Variants in WRAP73 observed in about 807,000 individuals in gnomAD.
The protein encoded by WRAP73 is WD repeat-containing protein WRAP73.
WRAP73 carries 55 observed loss-of-function variants against 59.6 expected under a neutral mutation model. The ratio of observed to expected loss-of-function variants is 0.92; its 90% confidence interval spans 0.74 to 1.15. WRAP73 has a LOEUF of 1.15. Ranked by LOEUF, WRAP73 falls within the 50% of genes most tolerant of loss-of-function variation. WRAP73 has a pLI of 0.00. For missense variants in WRAP73, 592 were observed against 608.1 expected (o/e 0.97, Z 0.28); for synonymous variants, 265 against 258.2 (o/e 1.03, Z -0.25).
At chr1:3,631,815 A>AG in intron 10 of WRAP73, 158 bp from the exon 11 acceptor site, 1 of 1,424,304 alleles carries the variant, frequency 7.0e-7, no homozygotes, top group Non-Finnish European at 9.1e-7. Flanking sequence ...TGGGCCCTGT[A>AG]GGGCTCCTGG....
At chr1:3,642,996 G>A (rs61489571) in intron 3 of WRAP73, among the ~76,000 whole-genome samples, 9,868 of 152,204 alleles carry the variant, frequency 0.065, 1,004 homozygotes, top group African/African-American at 0.22. Context: ...AAACCCCTCC[G>A]TCTGCTACGG....
At chr1:3,631,315 G>A in intron 11 of WRAP73, 151 bp downstream of exon 11, 1 of 1,298,860 alleles carries the variant, frequency 7.7e-7, no homozygotes, top group Non-Finnish European at 1.1e-6. Context: ...GGTCCCCTGT[G>A]TGTCCGTCTT....
rs1441436934 is a variant in WRAP73 at position 3,646,593 on chromosome 1, G to A, written c.339+73C>T. 33 of 1,286,256 alleles carry A rather than the reference G, an allele frequency of 2.6e-5. No homozygotes were observed. Among genetic ancestry groups the A allele is most frequent in the Non-Finnish European group, 3.0e-5 (28 of 920,262 alleles). The allele number at this position is 1,286,256 out of a possible 1,614,324, so 79.7% of individuals were successfully genotyped here. On this transcript the variant is annotated intron_variant, in intron 3 of 11. Transcript: ENST00000270708. The surrounding 1 kb of genome is among the most constrained non-coding windows in gnomAD (Gnocchi z 5.1). ...GCATACTCCAAACACACCCCCTCTC[G>A]CACTCCCCAGCTGTTTCGAGAGCAG... is the stretch of plus-strand genomic sequence containing the variant.
chr1:3,646,841 G>A lies in WRAP73; in HGVS notation c.223-59C>T, dbSNP rs954443805. ...AAACTCATCAGCACCGAGAGACAGCGAGGACAGCTCGCTTAAACGCAGCGG... is the reference window on the plus strand; with the variant it reads ...AAACTCATCAGCACCGAGAGACAGCAAGGACAGCTCGCTTAAACGCAGCGG... On this transcript the variant is annotated intron_variant, in intron 2 of 11. Transcript: ENST00000270708. This position sits in a 1 kb window ranked among gnomAD's most constrained non-coding sequence, Gnocchi z 5.1. 3.2e-5 allele frequency: 48 copies of A among 1,481,610 alleles called. No individual in the cohort carries two copies. Among genetic ancestry groups the A allele is most frequent in the African/African-American group, 1.3e-4 (9 of 71,106 alleles). The allele number at this position is 1,481,610 out of a possible 1,614,324, so 91.8% of individuals were successfully genotyped here.
intron 7 of WRAP73, 36 bp from the exon 8 acceptor site, chr1:3,635,110 C>A (rs1390752113): frequency 1.2e-6 from 2 of 1,614,152 alleles, no homozygotes; most frequent in Admixed American, 1.7e-5. Context: ...GAGGCAGGGC[C>A]CGGCCCGCTG....
At chr1:3,643,617 TG>T (rs1374077048) in intron 3 of WRAP73, among the ~76,000 whole-genome samples, 7 of 145,138 alleles carry the variant, frequency 4.8e-5, no homozygotes, top group African/African-American at 1.8e-4. Flanking sequence ...GCGGCCCCGC[TG>T]AGCCCCGGAC....
At chr1:3,647,615 C>T (rs1644704510) in intron 1 of WRAP73, 55 bp from the exon 2 acceptor site, 2 of 1,581,780 alleles carry the variant, frequency 1.3e-6, no homozygotes, top group Non-Finnish European at 1.7e-6. Flanking sequence ...AAGAGGGGGG[C>T]CTTCGGAATG....
intron 1 of WRAP73, among the ~76,000 whole-genome samples, chr1:3,648,004 C>T (rs188103269): frequency 3.3e-4 from 50 of 152,266 alleles, no homozygotes; most frequent in Admixed American, 9.8e-4. Flanking sequence ...CAGATGACAA[C>T]GAAAATGGCA....
intron 9 of WRAP73, chr1:3,633,053 G>A: frequency 3.3e-6 from 1 of 300,764 alleles, no homozygotes; most frequent in South Asian, 3.0e-5. Flanking sequence ...GCGCTCGGGA[G>A]CACCGCCGGG....
chr1:3,643,421 A>G (rs1644664817), intron 3 of WRAP73, among the ~76,000 whole-genome samples: 1 of 152,232 alleles, frequency 6.6e-6, no homozygotes, highest in Admixed American at 6.5e-5. Flanking sequence ...CCTAGGGGTG[A>G]GCCGCTTTTG....
rs777585338 is a variant in WRAP73 at position 3,631,002 on chromosome 1, G to C, written c.1356C>G (p.Ala452=). The C allele has an allele frequency of 3.7e-6, 6 of 1,612,928 alleles. No individual in the cohort carries two copies. In the South Asian group the frequency reaches 6.6e-5, roughly 18 times the overall value. Residue 452 remains alanine, a synonymous_variant, in exon 12 of 12, where the codon GCC becomes GCG. Transcript: ENST00000270708. ...FLETEAVVGT[A]CRQLGGHT is the part of the protein sequence containing the mutation. ...ACGTGTGGCCGCCCAGCTGTCTGCA[G>C]GCTGTGCCGACCACTGCCTCTGTCT...
chr1:3,642,666 G>A (rs1461854305), intron 3 of WRAP73, among the ~76,000 whole-genome samples: 1 of 151,048 alleles, frequency 6.6e-6, no homozygotes, highest in Non-Finnish European at 1.5e-5. Context: ...GAACCTGGGA[G>A]GCGTAGGTTG....
chr1:3,633,392 A>T lies in WRAP73; in HGVS notation c.922+6T>A. The T allele has an allele frequency of 6.2e-7, 1 of 1,609,836 alleles. No homozygotes were observed. Among genetic ancestry groups the T allele is most frequent in the Non-Finnish European group, 8.5e-7 (1 of 1,177,162 alleles). ...GAAAACAAATGACATCACATGTGCT[A>T]CTTACATTTACTCTCTGAGCTCGGG... On this transcript the variant is annotated splice_donor_region_variant and intron_variant, in intron 9 of 11. Coordinates refer to ENST00000270708, the MANE Select transcript of WRAP73 (RefSeq NM_017818.4).
At chr1:3,632,613 G>A in intron 9 of WRAP73, 1 of 482,080 alleles carries the variant, frequency 2.1e-6, no homozygotes, top group South Asian at 2.0e-5. Context: ...ACTGGAGAGG[G>A]ACATGGACAG....
chr1:3,645,925 T>C (rs1269476711), intron 3 of WRAP73, among the ~76,000 whole-genome samples: 1 of 152,204 alleles, frequency 6.6e-6, no homozygotes, highest in South Asian at 2.1e-4. Flanking sequence ...AGCCGGCTCA[T>C]ATCACAGCGC....
At chr1:3,631,739 C>T (rs1644536683) in intron 10 of WRAP73, 82 bp from the exon 11 acceptor site, 1 of 1,517,332 alleles carries the variant, frequency 6.6e-7, no homozygotes, top group African/African-American at 1.4e-5. Context: ...CTGCTGTTGA[C>T]ACCACAGGAG....
rs143362762 is a variant in WRAP73 at position 3,632,380 on chromosome 1, G to C, written c.923-42C>G. 631 of 1,613,550 alleles carry C rather than the reference G, an allele frequency of 3.9e-4. 7 individuals carry two copies. In the East Asian group the frequency reaches 0.013, roughly 33 times the overall value. ...AAGAACACGCCATTGTCACCCTTTCGGGAAGTACGCACGCGGCTGAGAGGC... is the reference window on the plus strand; with the variant it reads ...AAGAACACGCCATTGTCACCCTTTCCGGAAGTACGCACGCGGCTGAGAGGC... On this transcript the variant is annotated intron_variant, in intron 9 of 11. Coordinates refer to ENST00000270708, the MANE Select transcript of WRAP73 (RefSeq NM_017818.4).
At chr1:3,632,404 G>T (rs1212424463) in intron 9 of WRAP73, 66 bp from the exon 10 acceptor site, 2 of 1,611,630 alleles carry the variant, frequency 1.2e-6, no homozygotes, top group Admixed American at 1.7e-5. Flanking sequence ...CGGCTGAGAG[G>T]CTGCTGTGCC....
intron 1 of WRAP73, among the ~76,000 whole-genome samples, chr1:3,649,667 C>A (rs1011318320): frequency 6.6e-6 from 1 of 151,200 alleles, no homozygotes; most frequent in African/African-American, 2.4e-5. Context: ...GCTTGGGGTA[C>A]CTGCCTGGGC....
Sources: allele counts gnomAD v4.1 joint callset (sites outside exome capture counted in the v4.1 genomes callset), GRCh38; gene constraint gnomAD v4.1.1; non-coding constraint Gnocchi (gnomAD v3.1); transcripts MANE v1.5; gene names NCBI Gene and HGNC (gene_info 2026-07-23, HGNC 2026-07-21).